MTSS1: variants seen among roughly 807,000 people sequenced by gnomAD.
The protein encoded by MTSS1 is protein MTSS 1.
In MTSS1, 18 loss-of-function variants were observed where a neutral mutation model predicts 79.0. The observed-to-expected ratio is 0.23, with a 90% CI of 0.16 to 0.34. The LOEUF is 0.34. Ranked by LOEUF, MTSS1 falls within the 10% of genes least tolerant of loss-of-function variation. The pLI, the probability that MTSS1 is intolerant of heterozygous loss-of-function variation, is 1.00. For synonymous variants in MTSS1, 341 were observed against 368.6 expected (o/e 0.93, Z 0.86); for missense variants, 815 against 986.2 (o/e 0.83, Z 2.33).
At chr8:124,682,312 C>T (rs529144568) in intron 3 of MTSS1, among the ~76,000 whole-genome samples, 2 of 152,330 alleles carry the variant, frequency 1.3e-5, no homozygotes, top group East Asian at 1.9e-4. Context: ...AGGCTGTGCT[C>T]GGCCCTATTT....
chr8:124,591,025 T>C, intron 4 of MTSS1, 126 bp downstream of exon 4: 1 of 801,120 alleles, frequency 1.2e-6, no homozygotes, highest in Non-Finnish European at 2.1e-6. Flanking sequence ...CTAACAATAC[T>C]CAGGCAATGA....
intron 1 of MTSS1, among the ~76,000 whole-genome samples, chr8:124,716,489 G>A (rs182550797): frequency 6.6e-6 from 1 of 152,276 alleles, no homozygotes; most frequent in East Asian, 1.9e-4. Context: ...AGTGGCTCAG[G>A]TGACCCAGGG....
At chr8:124,671,747 A>G (rs1254939163) in intron 3 of MTSS1, among the ~76,000 whole-genome samples, 4 of 152,246 alleles carry the variant, frequency 2.6e-5, no homozygotes, top group Non-Finnish European at 4.4e-5. Context: ...CGCCTCTTAT[A>G]TAAGAGGTGT....
chr8:124,617,005 A>AT (rs947867142), intron 3 of MTSS1, among the ~76,000 whole-genome samples: 1 of 152,128 alleles, frequency 6.6e-6, no homozygotes, highest in Non-Finnish European at 1.5e-5. Context: ...TGTTTTTCTC[A>AT]TTAGGATTAC....
At chr8:124,707,396 AAAAAAAACAAAC>A (rs1297918445) in intron 1 of MTSS1, among the ~76,000 whole-genome samples, 2 of 9,270 alleles carry the variant, frequency 2.2e-4, no homozygotes, top group Non-Finnish European at 3.4e-4. Flanking sequence ...AAAATACAAA[AAAAAAAACAAAC>A]AAACAAACAA....
intron 1 of MTSS1, among the ~76,000 whole-genome samples, chr8:124,711,219 G>A (rs561159302): frequency 6.6e-6 from 1 of 152,316 alleles, no homozygotes; most frequent in Admixed American, 6.5e-5. Flanking sequence ...AGACAGGCAG[G>A]TTCTGATTTG....
chr8:124,697,416 C>G lies in MTSS1; in HGVS notation c.208+2110G>C, dbSNP rs368513407. On this transcript the variant is annotated intron_variant, in intron 3 of 13. Coordinates refer to ENST00000518547, the MANE Select transcript of MTSS1 (RefSeq NM_014751.6). The stretch of plus-strand genomic sequence containing the variant: ...CTCTACTAAAAATACAAAAATTAGT[C>G]GGGCGTGGTGGCACATGCCTGTAAT... Among the ~76,000 whole-genome samples, 115 of 152,016 alleles carry G rather than the reference C, an allele frequency of 7.6e-4. 4 individuals are homozygous for G. In the South Asian group the frequency reaches 0.022, roughly 30 times the overall value.
In MTSS1 at chr8:124,683,445, G is replaced by T. The variant is rs1826457652; in HGVS notation, c.208+16081C>A. ...TATATACAGATATATGTACATGCAA[G>T]GATCCAAACCTAGTAGGGAATTTCC... On this transcript the variant is annotated intron_variant, in intron 3 of 13. Coordinates refer to ENST00000518547, the MANE Select transcript of MTSS1 (RefSeq NM_014751.6). This position sits in a 1 kb window ranked among gnomAD's most constrained non-coding sequence, Gnocchi z 4.5. Among the ~76,000 whole-genome samples the T allele has an allele frequency of 6.6e-6, 1 of 152,100 alleles. No individual in the cohort carries two copies. The highest frequency in any genetic ancestry group is 2.4e-5 in the African/African-American group (1 of 41,398).
intron 2 of MTSS1, among the ~76,000 whole-genome samples, chr8:124,701,340 G>A (rs1829672073): frequency 6.6e-6 from 1 of 152,224 alleles, no homozygotes; most frequent in African/African-American, 2.4e-5. Context: ...GGTGCTGGAA[G>A]TAGTTCCTGG....
At chr8:124,556,778 T>C (rs1823912241) in intron 11 of MTSS1, among the ~76,000 whole-genome samples, 2 of 152,204 alleles carry the variant, frequency 1.3e-5, no homozygotes, top group African/African-American at 4.8e-5. Flanking sequence ...ACAACCCAGA[T>C]GGCTTCCCGT....
chr8:124,645,168 G>A (rs1818773190), intron 3 of MTSS1, among the ~76,000 whole-genome samples: 2 of 152,078 alleles, frequency 1.3e-5, no homozygotes, highest in Non-Finnish European at 2.9e-5. Flanking sequence ...AAGAGGTTGA[G>A]ACTAGCCCGG....
chr8:124,606,794 G>A (rs1320830213), intron 3 of MTSS1, among the ~76,000 whole-genome samples: 1 of 152,060 alleles, frequency 6.6e-6, no homozygotes, highest in Non-Finnish European at 1.5e-5. Context: ...CTGCATCCAA[G>A]GCCATGAGTT....
intron 1 of MTSS1, among the ~76,000 whole-genome samples, chr8:124,720,251 C>T (rs1362266223): frequency 1.3e-5 from 2 of 152,194 alleles, no homozygotes; most frequent in African/African-American, 4.8e-5. Flanking sequence ...GCACTGGACA[C>T]ATAGCGGGCC....
At chr8:124,726,191 C>T (rs960504347) in intron 1 of MTSS1, among the ~76,000 whole-genome samples, 8 of 152,216 alleles carry the variant, frequency 5.3e-5, no homozygotes, top group Admixed American at 1.3e-4. Flanking sequence ...CATAGTGCCA[C>T]GCAGCCACAG....
At chr8:124,716,506 C>T (rs1832011419) in intron 1 of MTSS1, among the ~76,000 whole-genome samples, 1 of 152,074 alleles carries the variant, frequency 6.6e-6, no homozygotes, top group African/African-American at 2.4e-5. Flanking sequence ...AGGGGGCACT[C>T]CCACTTCCAC....
intron 3 of MTSS1, among the ~76,000 whole-genome samples, chr8:124,607,112 C>T (rs750571434): frequency 4.6e-5 from 7 of 152,326 alleles, no homozygotes; most frequent in Non-Finnish European, 8.8e-5. Context: ...GTAAGTGGAA[C>T]CAGGCAGACA....
chr8:124,703,902 C>G (rs1830048190), intron 2 of MTSS1, among the ~76,000 whole-genome samples: 1 of 152,180 alleles, frequency 6.6e-6, no homozygotes, highest in African/African-American at 2.4e-5. Flanking sequence ...TCTCAAAATT[C>G]CTATGGAAGG....
At chr8:124,572,682 C>G (rs978560900) in intron 6 of MTSS1, among the ~76,000 whole-genome samples, 1 of 152,056 alleles carries the variant, frequency 6.6e-6, no homozygotes. Flanking sequence ...TGTCTCACCC[C>G]AGACTGCACT....
At chr8:124,588,506 C>T (rs1409161893) in intron 5 of MTSS1, among the ~76,000 whole-genome samples, 1 of 152,172 alleles carries the variant, frequency 6.6e-6, no homozygotes, top group East Asian at 1.9e-4. Flanking sequence ...GTGCAGATTA[C>T]ACTTAGTTCC....
Sources: gnomAD v4.1 joint callset for allele counts (sites outside exome capture counted in the v4.1 genomes callset) on GRCh38, gnomAD v4.1.1 for gene constraint, Gnocchi (gnomAD v3.1) non-coding constraint, MANE v1.5 for transcripts, NCBI Gene and HGNC (gene_info 2026-07-23, HGNC 2026-07-21) for gene names.